The following SMIM23 variants were observed in gnomAD, a reference collection of about 807,000 sequenced individuals.
The protein encoded by SMIM23 is CTB-78H18.1.
SMIM23 carries 10 observed loss-of-function variants against 12.8 expected under a neutral mutation model. The observed-to-expected ratio is 0.78, with a 90% CI of 0.48 to 1.32. SMIM23 has a LOEUF of 1.32. Ranked by LOEUF, SMIM23 falls within the 40% of genes most tolerant of loss-of-function variation. The pLI is 0.00. For missense variants in SMIM23, 184 were observed against 198.2 expected (o/e 0.93, Z 0.43); for synonymous variants, 78 against 80.1 (o/e 0.97, Z 0.14).
Position 171,791,083 on chromosome 5 carries a change from C to T in SMIM23, c.514C>T (p.Leu172Phe), listed in dbSNP as rs1755917658. The change falls in exon 4 of 4, where the codon CTC (leucine) becomes TTC (phenylalanine). Residue 172 changes from leucine (L) to phenylalanine (F), a missense_variant. Physicochemically the swap from Leu to Phe is conservative, Grantham distance 22 (BLOSUM62 0). Transcript: ENST00000523047. ...LLEISLSGAE[L>F] Reference sequence around the variant, plus strand: ...AGAGATTTCTCTAAGCGGGGCAGAGCTCTGACTCTTGAAGTTCCAGTCAGG... The same window carrying T: ...AGAGATTTCTCTAAGCGGGGCAGAGTTCTGACTCTTGAAGTTCCAGTCAGG... The T allele has an allele frequency of 1.3e-6, 2 of 1,484,900 alleles. No individual in the cohort carries two copies. The highest frequency in any genetic ancestry group is 2.4e-5 in the Admixed American group (1 of 42,422). 92.0% of individuals were successfully genotyped at this position (1,484,900 alleles called of 1,614,324 possible). A position where few individuals can be genotyped will look rare whatever the true frequency, so the allele number is the denominator to read the frequency against.
At position 171,791,040 on chromosome 5, in the gene SMIM23, A is replaced by C; in HGVS notation, c.471A>C (p.Lys157Asn). Residue 157 changes from lysine to asparagine, a missense_variant, in exon 4 of 4, where the codon AAA becomes AAC. Physicochemically the swap from Lys to Asn is moderately conservative, Grantham distance 94. Transcript: ENST00000523047. ...EWAWALGREH[K>N]GGEGLLEISL... is the part of the protein sequence containing the mutation. The stretch of plus-strand genomic sequence containing the variant: ...CCTGGGCCCTGGGGAGAGAGCACAA[A>C]GGTGGGGAGGGGTTGCTAGAGATTT... 4 of 1,528,486 alleles carry C rather than the reference A, an allele frequency of 2.6e-6. No homozygotes were observed. Among genetic ancestry groups the C allele is most frequent in the Non-Finnish European group, 3.5e-6 (4 of 1,143,154 alleles). The allele number at this position is 1,528,486 out of a possible 1,614,324, so 94.7% of individuals were successfully genotyped here. A position where few individuals can be genotyped will look rare whatever the true frequency, so the allele number is the denominator to read the frequency against.
upstream of SMIM23, among the ~76,000 whole-genome samples, chr5:171,781,400 A>C (rs1242847861): frequency 6.6e-6 from 1 of 152,162 alleles, no homozygotes; most frequent in African/African-American, 2.4e-5. Context: ...TGGGGCAGCT[A>C]GCCTTCCCCA....
At chr5:171,782,898 A>T (rs1179401373), upstream of SMIM23, 1 of 152,200 alleles carries the variant, frequency 6.6e-6, no homozygotes, top group Non-Finnish European at 1.5e-5. Flanking sequence ...ATCTAGTGAA[A>T]TGCCTAGTGT....
At chr5:171,773,656 G>T in the SMIM23 span, 2,283 of 387,320 alleles carry the variant, frequency 5.9e-3, 59 homozygotes, top group African/African-American at 0.045. Context: ...CAAGCCAGAT[G>T]CCCTCAAGAC....
intron 1 of SMIM23, 134 bp downstream of exon 1, chr5:171,786,110 A>G: frequency 1.4e-6 from 1 of 703,678 alleles, no homozygotes; most frequent in Non-Finnish European, 2.4e-6. Context: ...CTGATGGAGC[A>G]CAGTTTAGGG....
the SMIM23 span, among the ~76,000 whole-genome samples, chr5:171,776,375 C>A: frequency 2.6e-5 from 4 of 152,178 alleles, no homozygotes; most frequent in Non-Finnish European, 5.9e-5. Context: ...CCTTCACTTT[C>A]ACGTACATCG....
chr5:171,774,624 A>G, the SMIM23 span: 4 of 396,122 alleles, frequency 1.0e-5, no homozygotes, highest in Non-Finnish European at 2.0e-5. Flanking sequence ...CCACCCTCCA[A>G]TTCCTTCACA....
upstream of SMIM23, among the ~76,000 whole-genome samples, chr5:171,778,135 G>A (rs1377606541): frequency 9.9e-5 from 15 of 152,158 alleles, no homozygotes; most frequent in Non-Finnish European, 1.3e-4. Context: ...CGAGGCGGGC[G>A]GATCACCCAA....
At chr5:171,785,800 A>T, upstream of SMIM23, 1 of 1,248,538 alleles carries the variant, frequency 8.0e-7, no homozygotes, top group Non-Finnish European at 1.1e-6. Flanking sequence ...CCTGGTGACC[A>T]CAGGTGGGGG....
At chr5:171,782,516 A>G (rs1282052775), upstream of SMIM23, 1 of 152,180 alleles carries the variant, frequency 6.6e-6, no homozygotes, top group East Asian at 1.9e-4. Flanking sequence ...TGTGGAAGGG[A>G]CTTACCCTGG....
the SMIM23 span, among the ~76,000 whole-genome samples, chr5:171,776,107 G>A: frequency 6.6e-6 from 1 of 152,204 alleles, no homozygotes; most frequent in Admixed American, 6.5e-5. Flanking sequence ...CTGACCTCAG[G>A]TGATCCACCC....
At chr5:171,779,551 T>C (rs1250156565), upstream of SMIM23, among the ~76,000 whole-genome samples, 3 of 152,178 alleles carry the variant, frequency 2.0e-5, no homozygotes, top group Non-Finnish European at 4.4e-5. Flanking sequence ...CCCCTCCAGC[T>C]AGCCAAAAAC....
Position 171,790,241 on chromosome 5 carries a change from A to G in SMIM23, c.117A>G (p.Ala39=), listed in dbSNP as rs554550164. The change falls in exon 2 of 4, where the codon GCA becomes GCG. Residue 39 remains alanine (A), a synonymous_variant. Coordinates refer to ENST00000523047, the MANE Select transcript of SMIM23 (RefSeq NM_001289970.2). ...HCDDEKQTLL[A]LLILVLYLST... is the part of the protein sequence containing the mutation. ...TTCTTGCACCCTAGACGCTGTTGGC[A>G]TTGCTGATCTTGGTGCTGTACTTGA... is the stretch of plus-strand genomic sequence containing the variant. The G allele has an allele frequency of 1.3e-5, 20 of 1,536,114 alleles. No homozygotes were observed. The East Asian group carries it at 3.9e-4, about 30-fold the overall frequency.
rs1204472002 is a variant in SMIM23 at position 171,790,132 on chromosome 5, T to C, written c.106-98T>C. 6 of 1,216,982 alleles carry C rather than the reference T, an allele frequency of 4.9e-6. No homozygotes were observed. The East Asian group carries it at 1.3e-4, about 26-fold the overall frequency. The allele number at this position is 1,216,982 out of a possible 1,614,324, so 75.4% of individuals were successfully genotyped here. On this transcript the variant is annotated intron_variant, in intron 1 of 3. Coordinates refer to ENST00000523047, the MANE Select transcript of SMIM23 (RefSeq NM_001289970.2). ...AAGTTAAACTCAAAAAACTGTCTTA[T>C]AAGCATTCCCATGTCTGGCCCTTTG...
chr5:171,786,321 G>A (rs1198391575), intron 1 of SMIM23, among the ~76,000 whole-genome samples: 1 of 152,162 alleles, frequency 6.6e-6, no homozygotes, highest in Non-Finnish European at 1.5e-5. Flanking sequence ...GAGCGCTCCT[G>A]GAGGATTCAT....
At chr5:171,787,144 C>T (rs1213253339) in intron 1 of SMIM23, among the ~76,000 whole-genome samples, 5 of 151,382 alleles carry the variant, frequency 3.3e-5, no homozygotes, top group South Asian at 2.1e-4. Context: ...CTCAGCCTCC[C>T]GAGCAGCTGG....
chr5:171,779,516 A>G (rs938562417), upstream of SMIM23, among the ~76,000 whole-genome samples: 10 of 152,092 alleles, frequency 6.6e-5, no homozygotes, highest in African/African-American at 2.4e-4. Context: ...CATAATTCTC[A>G]GTCTCCCCAG....
intron 1 of SMIM23, among the ~76,000 whole-genome samples, chr5:171,786,853 G>A (rs1265707737): frequency 2.6e-5 from 4 of 151,978 alleles, no homozygotes; most frequent in Admixed American, 2.6e-4. Context: ...TCTGTGGCTT[G>A]GGGAAGGCTG....
At chr5:171,777,662 A>G (rs1401687537), upstream of SMIM23, among the ~76,000 whole-genome samples, 1 of 152,224 alleles carries the variant, frequency 6.6e-6, no homozygotes, top group Non-Finnish European at 1.5e-5. Context: ...ACGGACTGTG[A>G]GAGGGAGATA....
Sources: gnomAD v4.1 joint callset for allele counts (sites outside exome capture counted in the v4.1 genomes callset) on GRCh38, gnomAD v4.1.1 for gene constraint, MANE v1.5 for transcripts, NCBI Gene and HGNC (gene_info 2026-07-23, HGNC 2026-07-21) for gene names.